TOX4: variants seen among roughly 807,000 people sequenced by gnomAD.
TOX4 encodes the protein TOX high mobility group box family member 4, also known as epidermal Langerhans cell protein LCP1.
In TOX4, 12 loss-of-function variants were observed where a neutral mutation model predicts 61.0. The observed-to-expected ratio is 0.20, with a 90% confidence interval of 0.13 to 0.32. TOX4 has a LOEUF of 0.32. Ranked by LOEUF, TOX4 falls within the 10% of genes least tolerant of loss-of-function variation. TOX4 has a pLI of 1.00. For missense variants in TOX4, 499 were observed against 753.3 expected (o/e 0.66, Z 3.95); for synonymous variants, 268 against 274.8 (o/e 0.98, Z 0.24).
chr14:21,492,497 T>C lies in TOX4; in HGVS notation c.892-11T>C. ...TGATTAATTGATAGATTGATTTATG[T>C]CTTCTTTTAGGCCACTGTGGAAACA... On this transcript the variant is annotated splice_polypyrimidine_tract_variant and intron_variant, in intron 6 of 8. Coordinates refer to ENST00000448790, the MANE Select transcript of TOX4 (RefSeq NM_014828.4). The C allele has an allele frequency of 6.2e-7, 1 of 1,612,088 alleles. No homozygotes were observed. The highest frequency in any genetic ancestry group is 8.5e-7 in the Non-Finnish European group (1 of 1,178,806).
chr14:21,489,688 C>T (rs1437338849), intron 5 of TOX4, among the ~76,000 whole-genome samples: 1 of 152,032 alleles, frequency 6.6e-6, no homozygotes, highest in African/African-American at 2.4e-5. Context: ...ACGCCATTCT[C>T]CTGCTTCAGC....
At chr14:21,493,425 GTACTCA>G (rs1891337090) in intron 7 of TOX4, among the ~76,000 whole-genome samples, 168 bp downstream of exon 7, 4 of 151,988 alleles carry the variant, frequency 2.6e-5, no homozygotes, top group Non-Finnish European at 5.9e-5. Flanking sequence ...CTTACCCAAG[GTACTCA>G]TACTGTTTTT....
chr14:21,491,555 G>A (rs1441551372), intron 5 of TOX4, among the ~76,000 whole-genome samples: 3 of 151,020 alleles, frequency 2.0e-5, no homozygotes, highest in East Asian at 4.0e-4. Flanking sequence ...AGTAGAGATC[G>A]GGTTTCACCA....
At chr14:21,488,465 T>C (rs1183813876) in intron 3 of TOX4, 125 bp from the exon 4 acceptor site, 10 of 923,424 alleles carry the variant, frequency 1.1e-5, no homozygotes, top group Non-Finnish European at 1.6e-5. Flanking sequence ...GAAGACTATT[T>C]TATGTTTTGT....
chr14:21,484,189 G>C (rs1271355726), intron 2 of TOX4, among the ~76,000 whole-genome samples: 4 of 152,116 alleles, frequency 2.6e-5, no homozygotes, highest in Admixed American at 2.6e-4. Flanking sequence ...AAGTAAAATA[G>C]TAAGGAGAAG....
intron 2 of TOX4, among the ~76,000 whole-genome samples, chr14:21,483,967 C>A (rs1891153409): frequency 6.6e-6 from 1 of 151,956 alleles, no homozygotes; most frequent in Non-Finnish European, 1.5e-5. Flanking sequence ...ACCACCACAC[C>A]CAGCTAATTT....
intron 7 of TOX4, among the ~76,000 whole-genome samples, chr14:21,495,022 A>G (rs371447977): frequency 6.6e-6 from 1 of 152,228 alleles, no homozygotes; most frequent in East Asian, 1.9e-4. Context: ...TCCTGATGGG[A>G]AGAATCTTCC....
chr14:21,490,199 C>T (rs533945425), intron 5 of TOX4, among the ~76,000 whole-genome samples: 5 of 151,120 alleles, frequency 3.3e-5, no homozygotes, highest in South Asian at 2.1e-4. Flanking sequence ...TGTTATAGGC[C>T]GGGCGCGGTG....
At chr14:21,482,554 C>T (rs899980594) in intron 2 of TOX4, 1 of 467,602 alleles carries the variant, frequency 2.1e-6, no homozygotes. Flanking sequence ...CAAACCAGCC[C>T]CTCCTTCAAA....
Position 21,498,015 on chromosome 14 carries a change from C to T in TOX4, c.*1409C>T, listed in dbSNP as rs1305178334. ...ATCATTTTAATGTTTCCCATGCACT[C>T]ATTTAGTTTGAACCTTCACAGCAAC... On this transcript the variant is annotated 3_prime_UTR_variant, in exon 9 of 9. Coordinates refer to ENST00000448790, the MANE Select transcript of TOX4 (RefSeq NM_014828.4). The T allele has an allele frequency of 4.1e-6, 2 of 488,164 alleles. No homozygotes were observed. Among genetic ancestry groups the T allele is most frequent in the Admixed American group, 3.5e-5 (1 of 28,636 alleles). The allele number at this position is 488,164 out of a possible 1,614,324, so 30.2% of individuals were successfully genotyped here.
intron 2 of TOX4, among the ~76,000 whole-genome samples, chr14:21,480,816 C>T (rs945462266): frequency 2.6e-5 from 4 of 152,166 alleles, no homozygotes; most frequent in African/African-American, 4.8e-5. Context: ...AAAGGCCAGG[C>T]GTGGTGGCTC....
Position 21,493,075 on chromosome 14 carries a change from C to G in TOX4, c.1459C>G (p.Gln487Glu). The change falls in exon 7 of 9, where the codon CAG becomes GAG. Residue 487 changes from glutamine to glutamate, a missense_variant. By Grantham distance (29) the Gln-to-Glu change is conservative. Coordinates refer to ENST00000448790, the MANE Select transcript of TOX4 (RefSeq NM_014828.4). ...GAAAGTTCGAATCAATTTACAGCAA[C>G]AGCCTCCTCCTCTGCAGATCAAGAG... ...PQKVRINLQQ[Q>E]PPPLQIKSVP... 1.9e-6 allele frequency: 3 copies of G among 1,614,170 alleles called. No individual in the cohort carries two copies. Among genetic ancestry groups the G allele is most frequent in the Non-Finnish European group, 2.5e-6 (3 of 1,180,018 alleles).
chr14:21,495,493 C>G, intron 8 of TOX4, 101 bp downstream of exon 8: 3 of 1,402,228 alleles, frequency 2.1e-6, no homozygotes, highest in Non-Finnish European at 2.9e-6. Flanking sequence ...TGTCACCTTA[C>G]CTTAGGTAGA....
At position 21,496,967 on chromosome 14, in the gene TOX4, A is replaced by C. The variant is rs1891416998; in HGVS notation, c.*361A>C. 3 of 202,298 alleles carry C rather than the reference A, an allele frequency of 1.5e-5. No homozygotes were observed. The Admixed American group carries it at 1.6e-4, about 11-fold the overall frequency. 12.5% of individuals were successfully genotyped at this position (202,298 alleles called of 1,614,324 possible). A position where few individuals can be genotyped will look rare whatever the true frequency, so the allele number is the denominator to read the frequency against. ...TTATTAAAATTACGGGAGTGTACTCAGCTTTGAGCCTAGGAGAAAATGCCA... is the reference window on the plus strand; with the variant it reads ...TTATTAAAATTACGGGAGTGTACTCCGCTTTGAGCCTAGGAGAAAATGCCA... On this transcript the variant is annotated 3_prime_UTR_variant, in exon 9 of 9. Coordinates refer to ENST00000448790, the MANE Select transcript of TOX4 (RefSeq NM_014828.4).
chr14:21,494,934 A>T (rs1204791358), intron 7 of TOX4, among the ~76,000 whole-genome samples: 1 of 151,754 alleles, frequency 6.6e-6, no homozygotes, highest in African/African-American at 2.4e-5. Context: ...AAAACAAAAA[A>T]CACTACCTCT....
chr14:21,490,099 A>C (rs1166211728), intron 5 of TOX4, among the ~76,000 whole-genome samples: 1 of 151,436 alleles, frequency 6.6e-6, no homozygotes, highest in Non-Finnish European at 1.5e-5. Flanking sequence ...TGAGTTCAGG[A>C]TATAAAGGCT....
intron 2 of TOX4, among the ~76,000 whole-genome samples, chr14:21,481,368 C>T (rs1419617062): frequency 1.3e-5 from 2 of 152,036 alleles, no homozygotes; most frequent in Admixed American, 1.3e-4. Context: ...TGGTAGAGAC[C>T]GGTTTTCACC....
At chr14:21,483,736 AAAAGTTCAGTTCTTGGGG>A (rs1251503409) in intron 2 of TOX4, among the ~76,000 whole-genome samples, 2 of 147,936 alleles carry the variant, frequency 1.4e-5, no homozygotes, top group Non-Finnish European at 3.0e-5. Context: ...TACTACTGAG[AAAAGTTCAGTTCTTGGGG>A]AAAGTTTCAG....
rs1392744273 is a variant in TOX4 at position 21,489,416 on chromosome 14, T to G, written c.810+13T>G. 1.9e-6 allele frequency: 3 copies of G among 1,604,590 alleles called. No homozygotes were observed. In the African/African-American group the frequency reaches 4.0e-5, roughly 22 times the overall value. On this transcript the variant is annotated intron_variant, in intron 5 of 8. Coordinates refer to ENST00000448790, the MANE Select transcript of TOX4 (RefSeq NM_014828.4). ...GGAGCAAAAACAGGTGAGCAAATAT[T>G]GAGGAACTAGTAGTGAATGTTCCAG...
Sources: allele counts gnomAD v4.1 joint callset (sites outside exome capture counted in the v4.1 genomes callset), GRCh38; gene constraint gnomAD v4.1.1; transcripts MANE v1.5; gene names NCBI Gene and HGNC (gene_info 2026-07-23, HGNC 2026-07-21).